TNFAIP8: variants seen among roughly 807,000 people sequenced by gnomAD.
TNFAIP8 encodes the protein tumor necrosis factor alpha-induced protein 8.
In TNFAIP8, 7 loss-of-function variants were observed where a neutral mutation model predicts 13.3. That is an observed-to-expected ratio of 0.52 (90% CI 0.30 to 0.99). TNFAIP8 has a LOEUF of 0.99. TNFAIP8 is among the 50% of genes least tolerant of loss of function. The pLI is 0.07. For missense variants in TNFAIP8, 258 were observed against 236.9 expected (o/e 1.09, Z -0.58); for synonymous variants, 94 against 87.6 (o/e 1.07, Z -0.41).
At chr5:119,299,836 G>A (rs896000470) in intron 1 of TNFAIP8, among the ~76,000 whole-genome samples, 1 of 152,128 alleles carries the variant, frequency 6.6e-6, no homozygotes, top group African/African-American at 2.4e-5. Context: ...CCCCAGCCTC[G>A]CTGCTGCCTT....
intron 1 of TNFAIP8, among the ~76,000 whole-genome samples, chr5:119,368,403 T>C (rs975021976): frequency 4.0e-5 from 6 of 150,940 alleles, no homozygotes; most frequent in Non-Finnish European, 8.9e-5. Context: ...CTTTCTCTTC[T>C]TTCTTTCACT....
intron 1 of TNFAIP8, among the ~76,000 whole-genome samples, chr5:119,371,616 T>C (rs934725489): frequency 1.2e-4 from 8 of 65,250 alleles, no homozygotes; most frequent in Admixed American, 2.2e-4. Flanking sequence ...TTCAAAAGAC[T>C]TGAATTCATT....
Position 119,326,395 on chromosome 5 carries a change from A to C in TNFAIP8, c.1+57488A>C, listed in dbSNP as rs554798313. Among the ~76,000 whole-genome samples, 11 of 152,290 alleles carry C rather than the reference A, an allele frequency of 7.2e-5. No homozygotes were observed. In the South Asian group the frequency reaches 2.3e-3, roughly 32 times the overall value. ...CCTTGGGAGACTGGCAGTGTTTTGC[A>C]GCTGGTGATGATGGAAAGAATCCGA... is the stretch of plus-strand genomic sequence containing the variant. On this transcript the variant is annotated intron_variant, in intron 1 of 1. Coordinates refer to the TNFAIP8 transcript ENST00000274456.
chr5:119,350,825 C>T (rs1751097995), intron 1 of TNFAIP8, among the ~76,000 whole-genome samples: 1 of 152,144 alleles, frequency 6.6e-6, no homozygotes, highest in Admixed American at 6.5e-5. Flanking sequence ...CTTTCTCCTT[C>T]CCTCATCTCC....
At chr5:119,310,799 C>T (rs1195552852) in intron 1 of TNFAIP8, among the ~76,000 whole-genome samples, 2 of 152,110 alleles carry the variant, frequency 1.3e-5, no homozygotes, top group Admixed American at 6.5e-5. Context: ...TGCACTCCAG[C>T]TTGGGTGACA....
chr5:119,299,777 T>C (rs908132619), intron 1 of TNFAIP8, among the ~76,000 whole-genome samples: 4 of 152,232 alleles, frequency 2.6e-5, no homozygotes, highest in African/African-American at 4.8e-5. Flanking sequence ...TCGAGCTTCC[T>C]GGCTGCTTTG....
At chr5:119,294,152 C>T (rs566450368) in intron 1 of TNFAIP8, among the ~76,000 whole-genome samples, 4 of 151,712 alleles carry the variant, frequency 2.6e-5, no homozygotes, top group East Asian at 1.9e-4. Context: ...CCCATTAACT[C>T]GTCATTTAGC....
intron 1 of TNFAIP8, among the ~76,000 whole-genome samples, chr5:119,380,250 G>C (rs1228134791): frequency 6.6e-6 from 1 of 152,214 alleles, no homozygotes; most frequent in Non-Finnish European, 1.5e-5. Flanking sequence ...AAAATCAACT[G>C]TAAGTTTTCT....
At chr5:119,366,004 A>C (rs970399646) in intron 1 of TNFAIP8, among the ~76,000 whole-genome samples, 2 of 151,912 alleles carry the variant, frequency 1.3e-5, no homozygotes, top group Admixed American at 6.6e-5. Flanking sequence ...ACAATGAGGG[A>C]GACATAGCAG....
At chr5:119,334,061 G>A (rs1174296554) in intron 1 of TNFAIP8, among the ~76,000 whole-genome samples, 2 of 149,696 alleles carry the variant, frequency 1.3e-5, no homozygotes, top group African/African-American at 5.0e-5. Context: ...GGGGCAACCC[G>A]TAAACACAAG....
intron 1 of TNFAIP8, among the ~76,000 whole-genome samples, chr5:119,282,707 C>T (rs1435546286): frequency 6.6e-6 from 1 of 152,224 alleles, no homozygotes; most frequent in Admixed American, 6.5e-5. Flanking sequence ...GCATAGACCC[C>T]AGCCTCTCTG....
At chr5:119,341,455 C>T (rs952327476) in intron 1 of TNFAIP8, among the ~76,000 whole-genome samples, 13 of 152,178 alleles carry the variant, frequency 8.5e-5, no homozygotes, top group Admixed American at 1.3e-4. Context: ...GAGGTGGGTT[C>T]GGTCCCAAGG....
At position 119,399,436 on chromosome 5, in the gene TNFAIP8, G is replaced by T. The variant is rs955402170; in HGVS notation, c.*6055G>T. ...GACCTCCTGAAGGCTATTCCTATGTGAGGTATTGTTTACGGGTGGCCTTTC... is the reference window on the plus strand; with the variant it reads ...GACCTCCTGAAGGCTATTCCTATGTTAGGTATTGTTTACGGGTGGCCTTTC... On this transcript the variant is annotated 3_prime_UTR_variant, in exon 2 of 2. Transcript: ENST00000504771. The T allele has an allele frequency of 6.6e-6, 1 of 152,214 alleles. No homozygotes were observed. Among genetic ancestry groups the T allele is most frequent in the Non-Finnish European group, 1.5e-5 (1 of 68,042 alleles). The allele number at this position is 152,214 out of a possible 1,614,324, so 9.4% of individuals were successfully genotyped here.
chr5:119,296,399 T>A (rs1485642363), intron 1 of TNFAIP8, among the ~76,000 whole-genome samples: 2 of 152,064 alleles, frequency 1.3e-5, no homozygotes, highest in African/African-American at 4.8e-5. Flanking sequence ...GGTTTTTGTC[T>A]TTGGTTCTGT....
chr5:119,397,055 G>A lies in TNFAIP8; in HGVS notation c.*3674G>A, dbSNP rs1042226232. 4.1e-5 allele frequency: 6 copies of A among 147,872 alleles called. No homozygotes were observed. Among genetic ancestry groups the A allele is most frequent in the African/African-American group, 7.5e-5 (3 of 40,046 alleles). The allele number at this position is 147,872 out of a possible 1,614,324, so 9.2% of individuals were successfully genotyped here. ...AACTTTGATCGTACAGAAATATTGC[G>A]TTTTAAACTCTTATATAATAGTATG... On this transcript the variant is annotated 3_prime_UTR_variant, in exon 2 of 2. Transcript: ENST00000504771.
chr5:119,388,630 TTTTTCTTTTC>T (rs113406514), intron 1 of TNFAIP8, among the ~76,000 whole-genome samples: 15 of 150,714 alleles, frequency 1.0e-4, no homozygotes, highest in East Asian at 7.8e-4. Flanking sequence ...AGCATCTTTT[TTTTTCTTTTC>T]TTTTCTTTTC....
At chr5:119,359,734 T>G (rs1417511564) in intron 1 of TNFAIP8, among the ~76,000 whole-genome samples, 1 of 152,206 alleles carries the variant, frequency 6.6e-6, no homozygotes, top group Non-Finnish European at 1.5e-5. Flanking sequence ...TTTTCTCCCC[T>G]ATTCCTGCCC....
intron 1 of TNFAIP8, among the ~76,000 whole-genome samples, chr5:119,385,083 A>T (rs898854830): frequency 6.6e-6 from 1 of 152,238 alleles, no homozygotes; most frequent in African/African-American, 2.4e-5. Context: ...TTTGGCAAAT[A>T]AGGGATGTAA....
intron 1 of TNFAIP8, among the ~76,000 whole-genome samples, chr5:119,341,874 G>A (rs1321492307): frequency 1.3e-5 from 2 of 152,188 alleles, no homozygotes; most frequent in African/African-American, 4.8e-5. Flanking sequence ...CAAGTTGTCT[G>A]CTGGCTATAT....
Sources: allele counts gnomAD v4.1 joint callset (sites outside exome capture counted in the v4.1 genomes callset), GRCh38; gene constraint gnomAD v4.1.1; transcripts MANE v1.5; gene names NCBI Gene and HGNC (gene_info 2026-07-23, HGNC 2026-07-21).